RABGAP1L: variants seen among roughly 807,000 people sequenced by gnomAD.
RABGAP1L encodes rab GTPase-activating protein 1-like.
A neutral mutation model predicts 137.7 loss-of-function variants in RABGAP1L; 63 were observed. The ratio of observed to expected loss-of-function variants is 0.46; its 90% CI spans 0.37 to 0.56. The LOEUF (loss-of-function observed/expected upper bound fraction) is 0.56. Ranked by LOEUF, RABGAP1L falls within the 20% of genes least tolerant of loss-of-function variation. RABGAP1L has a pLI of 0.00. For missense variants in RABGAP1L, 1,095 were observed against 1,244.0 expected (o/e 0.88, Z 1.80); for synonymous variants, 431 against 433.7 (o/e 0.99, Z 0.08).
chr1:174,632,965 C>T lies in RABGAP1L; in HGVS notation c.1711-4410C>T, dbSNP rs1228500013. Among the ~76,000 whole-genome samples the T allele has an allele frequency of 5.3e-5, 8 of 152,110 alleles. 1 individual carries two copies. The highest frequency in any genetic ancestry group is 2.9e-5 in the Non-Finnish European group (2 of 67,982). On this transcript the variant is annotated intron_variant, in intron 13 of 25. Coordinates refer to ENST00000681986, the MANE Select transcript of RABGAP1L (RefSeq NM_001366446.1). ...CTGCGTTCCTTTGGAGGAGGAGAGGCGCTCTGCGTTTTAGAGTTTCCAGTT... is the reference window on the plus strand; with the variant it reads ...CTGCGTTCCTTTGGAGGAGGAGAGGTGCTCTGCGTTTTAGAGTTTCCAGTT...
intron 19 of RABGAP1L, among the ~76,000 whole-genome samples, chr1:174,866,337 G>A (rs562145156): frequency 6.6e-6 from 1 of 152,216 alleles, no homozygotes; most frequent in South Asian, 2.1e-4. Context: ...TCTGGGCATT[G>A]CCACTGCCAC....
chr1:174,177,863 A>G (rs1447493408), intron 1 of RABGAP1L, among the ~76,000 whole-genome samples: 2 of 152,214 alleles, frequency 1.3e-5, no homozygotes, highest in Non-Finnish European at 2.9e-5. Context: ...TAGCAGTACC[A>G]TGCTGTTTTG....
chr1:174,793,055 T>C (rs1687977129), intron 18 of RABGAP1L, among the ~76,000 whole-genome samples: 1 of 151,446 alleles, frequency 6.6e-6, no homozygotes, highest in African/African-American at 2.4e-5. Flanking sequence ...TCACTTGAAC[T>C]CAGGAGGCAG....
intron 20 of RABGAP1L, among the ~76,000 whole-genome samples, chr1:174,962,152 G>T (rs568312559): frequency 8.0e-5 from 12 of 150,690 alleles, no homozygotes; most frequent in African/African-American, 3.0e-4. Flanking sequence ...TCCAGCCTGG[G>T]CGACAGAGTG....
At chr1:174,842,866 A>G (rs1223526603) in intron 19 of RABGAP1L, among the ~76,000 whole-genome samples, 1 of 152,074 alleles carries the variant, frequency 6.6e-6, no homozygotes, top group Non-Finnish European at 1.5e-5. Flanking sequence ...TTCTTATTTA[A>G]TTATTCTTTA....
chr1:174,649,775 C>G (rs772493345), intron 14 of RABGAP1L, among the ~76,000 whole-genome samples: 10 of 152,162 alleles, frequency 6.6e-5, no homozygotes, highest in Non-Finnish European at 1.0e-4. Context: ...ATGATGTCAT[C>G]TGCAAACGGA....
intron 12 of RABGAP1L, among the ~76,000 whole-genome samples, chr1:174,383,318 C>G (rs1402776697): frequency 1.3e-5 from 2 of 151,440 alleles, no homozygotes; most frequent in Non-Finnish European, 2.9e-5. Flanking sequence ...TGGGCTCCAC[C>G]CAGTTCGAGC....
chr1:174,677,833 C>T (rs550708284), intron 14 of RABGAP1L, among the ~76,000 whole-genome samples: 242 of 151,884 alleles, frequency 1.6e-3, no homozygotes, highest in Non-Finnish European at 3.0e-3. Context: ...GAAGATAGAT[C>T]TAAGTTTCTA....
At chr1:174,231,782 A>T (rs1347444407) in intron 4 of RABGAP1L, among the ~76,000 whole-genome samples, 4 of 152,118 alleles carry the variant, frequency 2.6e-5, no homozygotes, top group Non-Finnish European at 4.4e-5. Flanking sequence ...GAGGTGCCAC[A>T]CGCTTTTAAA....
At chr1:174,403,173 C>G (rs1198851572) in intron 13 of RABGAP1L, among the ~76,000 whole-genome samples, 1 of 146,684 alleles carries the variant, frequency 6.8e-6, no homozygotes, top group Non-Finnish European at 1.5e-5. Context: ...CCAAATGAAT[C>G]TTTTCTTTCG....
chr1:174,927,142 A>G (rs994713770), intron 19 of RABGAP1L, among the ~76,000 whole-genome samples: 1 of 151,906 alleles, frequency 6.6e-6, no homozygotes, highest in Non-Finnish European at 1.5e-5. Context: ...TAAAGGGAAC[A>G]TTTTTAAGAT....
chr1:174,181,399 G>T (rs1225128194), intron 1 of RABGAP1L, among the ~76,000 whole-genome samples: 2 of 150,106 alleles, frequency 1.3e-5, no homozygotes, highest in East Asian at 2.0e-4. Context: ...GTGCAGTGGC[G>T]TGATCTCGGC....
At chr1:174,165,363 T>C (rs1363167702) in intron 1 of RABGAP1L, among the ~76,000 whole-genome samples, 1 of 152,204 alleles carries the variant, frequency 6.6e-6, no homozygotes, top group East Asian at 1.9e-4. Context: ...TTGGCCCGGC[T>C]GGTTTTGAAC....
chr1:174,516,134 C>T (rs1194229861), intron 13 of RABGAP1L, among the ~76,000 whole-genome samples: 1 of 139,726 alleles, frequency 7.2e-6, no homozygotes, highest in African/African-American at 2.6e-5. Flanking sequence ...CACACACACA[C>T]ACACACACAC....
intron 4 of RABGAP1L, among the ~76,000 whole-genome samples, chr1:174,232,277 G>A (rs1267318317): frequency 2.0e-5 from 3 of 152,170 alleles, no homozygotes; most frequent in African/African-American, 7.2e-5. Context: ...GGAGGCTGAG[G>A]TGGGTGAATC....
chr1:174,760,820 C>T (rs906670819), intron 18 of RABGAP1L, among the ~76,000 whole-genome samples: 1 of 152,208 alleles, frequency 6.6e-6, no homozygotes, highest in Non-Finnish European at 1.5e-5. Context: ...ACTCTTCACC[C>T]TCACCCAGCA....
At chr1:174,486,006 T>C (rs1365305304) in intron 13 of RABGAP1L, among the ~76,000 whole-genome samples, 2 of 152,246 alleles carry the variant, frequency 1.3e-5, no homozygotes, top group East Asian at 3.9e-4. Flanking sequence ...AGCTTTGGTA[T>C]TGTTGTTTGT....
chr1:174,939,909 C>T (rs1315026645), intron 19 of RABGAP1L, among the ~76,000 whole-genome samples: 1 of 152,156 alleles, frequency 6.6e-6, no homozygotes, highest in East Asian at 1.9e-4. Context: ...TAACAAATTC[C>T]ATTTGAATCA....
chr1:174,899,592 C>T (rs543866040), intron 19 of RABGAP1L, among the ~76,000 whole-genome samples: 29 of 152,222 alleles, frequency 1.9e-4, no homozygotes, highest in African/African-American at 7.0e-4. Context: ...CTGAGAGGAT[C>T]ATGTCTAGAA....
Sources: allele counts gnomAD v4.1 joint callset (sites outside exome capture counted in the v4.1 genomes callset), GRCh38; gene constraint gnomAD v4.1.1; transcripts MANE v1.5; gene names NCBI Gene and HGNC (gene_info 2026-07-23, HGNC 2026-07-21).